The following CEP250 variants were observed in gnomAD, a reference collection of about 807,000 sequenced individuals.
CEP250 encodes centrosomal protein 250, also known as centrosome-associated protein CEP250.
In CEP250, 242 loss-of-function variants were observed where a neutral mutation model predicts 315.7. That is an observed-to-expected ratio of 0.77 (90% CI 0.69 to 0.85). The LOEUF (loss-of-function observed/expected upper bound fraction) is 0.85, where lower values mean the gene tolerates loss of function less well. CEP250 is among the 40% of genes least tolerant of loss of function. The pLI is 0.00. For missense variants in CEP250, 2,515 were observed against 2,886.4 expected, an observed-to-expected ratio of 0.87 and a Z score of 2.95; for synonymous variants, 1,088 against 1,175.0, an observed-to-expected ratio of 0.93 and a Z score of 1.51.
intron 7 of CEP250, among the ~76,000 whole-genome samples, chr20:35,466,742 G>A (rs2062887541): frequency 6.6e-6 from 1 of 152,082 alleles, no homozygotes; most frequent in Non-Finnish European, 1.5e-5. Context: ...TTTCTAATCT[G>A]GCCCAGAGGA....
rs1184613709 is a variant in CEP250 at position 35,502,580 on chromosome 20, C to T, written c.4211C>T (p.Ala1404Val). The T allele has an allele frequency of 5.0e-6, 8 of 1,614,228 alleles. 1 individual carries two copies. The South Asian group carries it at 8.8e-5, about 18-fold the overall frequency. The part of the protein sequence containing the change: ...EVESERERAQ[A>V]LQEQGELKVA... Reference sequence around the variant, plus strand: ...GAGAGTGAGCGTGAGAGAGCCCAGGCTCTGCAAGAGCAGGGCGAACTGAAG... The same window carrying T: ...GAGAGTGAGCGTGAGAGAGCCCAGGTTCTGCAAGAGCAGGGCGAACTGAAG... The change falls in exon 30 of 35, where the codon GCT becomes GTT. Residue 1404 changes from alanine to valine, a missense_variant. By Grantham distance (64) the Ala-to-Val change is moderately conservative. Coordinates refer to ENST00000397527, the MANE Select transcript of CEP250 (RefSeq NM_007186.6).
chr20:35,476,430 A>C lies in CEP250; in HGVS notation c.1717-19A>C, dbSNP rs770794587. The C allele has an allele frequency of 6.2e-7, 1 of 1,606,626 alleles. No individual in the cohort carries two copies. On this transcript the variant is annotated intron_variant, in intron 15 of 34. Coordinates refer to ENST00000397527, the MANE Select transcript of CEP250 (RefSeq NM_007186.6). ...GAAAATTGGAAATATGAAACTCTTT[A>C]ATCCTTTTTGTTTTTTAGGCAGAGC...
intron 14 of CEP250, among the ~76,000 whole-genome samples, 191 bp from the exon 15 acceptor site, chr20:35,475,311 G>T (rs1457678800): frequency 6.6e-6 from 1 of 152,150 alleles, no homozygotes; most frequent in South Asian, 2.1e-4. Context: ...TGCATAAAAG[G>T]TAGTGTATCA....
At chr20:35,477,209 A>G (rs224365) in intron 16 of CEP250, among the ~76,000 whole-genome samples, 150,788 of 152,254 alleles carry the variant, frequency 0.99, 74,683 homozygotes, top group Middle Eastern at 1. Flanking sequence ...AGGGTTTTAC[A>G]ATGTTGGTCA....
At chr20:35,475,398 C>A in intron 14 of CEP250, 104 bp from the exon 15 acceptor site, 1 of 1,206,920 alleles carries the variant, frequency 8.3e-7, no homozygotes, top group Non-Finnish European at 1.2e-6. Context: ...GTTTATAGAC[C>A]ATCCTCATTC....
chr20:35,484,968 G>A (rs2063465008), intron 20 of CEP250, among the ~76,000 whole-genome samples: 1 of 151,664 alleles, frequency 6.6e-6, no homozygotes, highest in African/African-American at 2.4e-5. Context: ...AAGGCTGGGT[G>A]CAGTGGCTCA....
Position 35,473,906 on chromosome 20 carries a change from G to T in CEP250, c.1425G>T (p.Leu475=), listed in dbSNP as rs754417203. 5.6e-6 allele frequency: 9 copies of T among 1,612,902 alleles called. No homozygotes were observed. Among genetic ancestry groups the T allele is most frequent in the Non-Finnish European group, 8.5e-7 (1 of 1,179,642 alleles). Residue 475 remains leucine (L), a synonymous_variant, in exon 14 of 35, where the codon CTG becomes CTT. Transcript: ENST00000397527. ...TGCTGCAGAAGGCCAGGGAAGAGCT[G>T]CGGCAGCAGCTGGAGGTGCTAGAGC... ...RELLQKAREE[L]RQQLEVLEQE...
Position 35,511,880 on chromosome 20 carries a change from C to T in CEP250, c.*254C>T. 1 of 1,312,204 alleles carries T rather than the reference C, an allele frequency of 7.6e-7. No individual in the cohort carries two copies. Among genetic ancestry groups the T allele is most frequent in the Non-Finnish European group, 9.7e-7 (1 of 1,032,884 alleles). The allele number at this position is 1,312,204 out of a possible 1,614,324, so 81.3% of individuals were successfully genotyped here. Reference sequence around the variant, plus strand: ...GGGGTGCCTTGCCCTGGCTGAGGGACATGTACTGCCTCTCATCTAGAATTT... The same window carrying T: ...GGGGTGCCTTGCCCTGGCTGAGGGATATGTACTGCCTCTCATCTAGAATTT... On this transcript the variant is annotated 3_prime_UTR_variant, in exon 35 of 35. Coordinates refer to ENST00000397527, the MANE Select transcript of CEP250 (RefSeq NM_007186.6).
chr20:35,457,494 G>T (rs35823088), intron 1 of CEP250, among the ~76,000 whole-genome samples: 1 of 151,932 alleles, frequency 6.6e-6, no homozygotes, highest in South Asian at 2.1e-4. Flanking sequence ...TTCCCAAGTA[G>T]CTGGGACTAC....
Position 35,497,856 on chromosome 20 carries a change from GGCAGCCCAACTACAGCTGCGACTGC to G in CEP250, c.3450_3474del (p.Leu1152ArgfsTer4). ...CCTCCTTGTGGGCCCAGGAAGCCAA[GGCAGCCCAACTACAGCTGCGACTGC>G]GCAGCACAGAGAGCCAGCTAGAAGC... On this transcript the variant is annotated frameshift_variant, in exon 26 of 35. Coordinates refer to ENST00000397527, the MANE Select transcript of CEP250 (RefSeq NM_007186.6). LOFTEE classifies it high-confidence loss of function. The G allele has an allele frequency of 6.3e-7, 1 of 1,590,346 alleles. No homozygotes were observed. Among genetic ancestry groups the G allele is most frequent in the Non-Finnish European group, 8.6e-7 (1 of 1,168,448 alleles).
At chr20:35,491,461 T>A in intron 22 of CEP250, 115 bp downstream of exon 22, 1 of 1,145,218 alleles carries the variant, frequency 8.7e-7, no homozygotes, top group Non-Finnish European at 1.3e-6. Context: ...TGCTGACATA[T>A]GACAAGTACA....
At chr20:35,471,774 A>G (rs982588349) in intron 10 of CEP250, among the ~76,000 whole-genome samples, 7 of 152,276 alleles carry the variant, frequency 4.6e-5, no homozygotes, top group African/African-American at 1.7e-4. Context: ...TCTATTTTAA[A>G]GAAAAAGAAG....
At chr20:35,466,294 C>A in intron 7 of CEP250, 90 bp downstream of exon 7, 1 of 1,412,148 alleles carries the variant, frequency 7.1e-7, no homozygotes, top group Non-Finnish European at 9.5e-7. Flanking sequence ...AACTTCAGGA[C>A]TTGGATGAAA....
chr20:35,463,675 A>T, intron 5 of CEP250, 44 bp downstream of exon 5: 6 of 1,526,092 alleles, frequency 3.9e-6, no homozygotes, highest in Non-Finnish European at 5.3e-6. Context: ...TCCTCAGTGA[A>T]TATACTTGTT....
At chr20:35,470,998 A>G (rs17092658) in intron 10 of CEP250, among the ~76,000 whole-genome samples, 2,045 of 152,192 alleles carry the variant, frequency 0.013, 56 homozygotes, top group African/African-American at 0.047. Flanking sequence ...TCATCTCTAT[A>G]AGTTTTCAGA....
At position 35,479,354 on chromosome 20, in the gene CEP250, G is replaced by T. The variant is rs2063271975; in HGVS notation, c.2218G>T (p.Ala740Ser). The change falls in exon 18 of 35, where the codon GCT becomes TCT. Residue 740 changes from alanine (A) to serine (S), a missense_variant. Transcript: ENST00000397527. ...EKEALVREKA[A>S]LEVRLQAVER... is the part of the protein sequence containing the mutation. Reference sequence around the variant, plus strand: ...GGAGGCCCTAGTACGAGAGAAAGCGGCTCTAGAGGTGCGGCTGCAGGCCGT... The same window carrying T: ...GGAGGCCCTAGTACGAGAGAAAGCGTCTCTAGAGGTGCGGCTGCAGGCCGT... 1 of 1,614,222 alleles carries T rather than the reference G, an allele frequency of 6.2e-7. No individual in the cohort carries two copies. The highest frequency in any genetic ancestry group is 8.5e-7 in the Non-Finnish European group (1 of 1,180,046).
intron 21 of CEP250, 148 bp from the exon 22 acceptor site, chr20:35,491,064 C>A: frequency 1.0e-6 from 1 of 1,002,278 alleles, no homozygotes; most frequent in Non-Finnish European, 1.5e-6. Flanking sequence ...CTTCCTTGTT[C>A]TGAACCCATG....
intron 34 of CEP250, among the ~76,000 whole-genome samples, chr20:35,510,447 T>C (rs1403615813): frequency 6.6e-6 from 1 of 151,850 alleles, no homozygotes; most frequent in Non-Finnish European, 1.5e-5. Flanking sequence ...GCCACACAGC[T>C]CAGCACAAGC....
At chr20:35,480,310 G>C (rs1174746828) in intron 20 of CEP250, among the ~76,000 whole-genome samples, 165 bp downstream of exon 20, 2 of 152,274 alleles carry the variant, frequency 1.3e-5, no homozygotes, top group Admixed American at 1.3e-4. Flanking sequence ...ACTAAGAGTA[G>C]TTCCTAGCAT....
Sources: gnomAD v4.1 joint callset for allele counts (sites outside exome capture counted in the v4.1 genomes callset) on GRCh38, gnomAD v4.1.1 for gene constraint, MANE v1.5 for transcripts, NCBI Gene and HGNC (gene_info 2026-07-23, HGNC 2026-07-21) for gene names.